KCNMA1: variants seen among roughly 807,000 people sequenced by gnomAD.
KCNMA1 encodes potassium calcium-activated channel subfamily M alpha 1.
KCNMA1 carries 29 observed loss-of-function variants against 140.0 expected under a neutral mutation model. That is an observed-to-expected ratio of 0.21 (90% CI 0.15 to 0.28). The LOEUF is 0.28. Ranked by LOEUF, KCNMA1 falls within the 10% of genes least tolerant of loss-of-function variation. The pLI is 1.00. For missense variants in KCNMA1, 880 were observed against 1,602.2 expected (o/e 0.55, Z 7.70); for synonymous variants, 612 against 611.9 (o/e 1.00, Z 0.00).
chr10:77,245,133 A>G (rs1453618437), intron 3 of KCNMA1, among the ~76,000 whole-genome samples: 2 of 152,184 alleles, frequency 1.3e-5, no homozygotes, highest in African/African-American at 2.4e-5. Context: ...GACTTCTTCA[A>G]CAAAGGTTAA....
intron 1 of KCNMA1, among the ~76,000 whole-genome samples, chr10:77,617,575 G>C (rs75518474): frequency 7.2e-5 from 11 of 152,216 alleles, no homozygotes; most frequent in Non-Finnish European, 1.5e-5. Flanking sequence ...ATAGGAAGAG[G>C]GTAAGAGTTA....
chr10:77,011,095 A>G (rs925790593), intron 18 of KCNMA1, among the ~76,000 whole-genome samples: 5 of 152,158 alleles, frequency 3.3e-5, no homozygotes, highest in Non-Finnish European at 5.9e-5. Flanking sequence ...CAATGATTAT[A>G]AGGAGCTTTT....
chr10:77,348,079 T>C (rs1000664909), intron 2 of KCNMA1, among the ~76,000 whole-genome samples: 2 of 152,154 alleles, frequency 1.3e-5, no homozygotes, highest in African/African-American at 4.8e-5. Context: ...CTGTGCCCCA[T>C]AGAAACAAGC....
intron 1 of KCNMA1, among the ~76,000 whole-genome samples, chr10:77,615,573 C>T (rs970585750): frequency 3.3e-5 from 5 of 152,142 alleles, no homozygotes; most frequent in Non-Finnish European, 5.9e-5. Context: ...AAACTGAGGC[C>T]TCGCCCCTGA....
chr10:77,441,108 C>A (rs1243163291), intron 1 of KCNMA1, among the ~76,000 whole-genome samples: 2 of 152,076 alleles, frequency 1.3e-5, no homozygotes, highest in Non-Finnish European at 2.9e-5. Flanking sequence ...CAGGCGTGAG[C>A]CACCGCGCCC....
At chr10:77,287,784 C>T (rs2154304720) in intron 2 of KCNMA1, among the ~76,000 whole-genome samples, 2 of 152,308 alleles carry the variant, frequency 1.3e-5, no homozygotes, top group East Asian at 3.9e-4. Flanking sequence ...CACATTAACT[C>T]AAAGGGCTGA....
At chr10:76,956,688 A>AT (rs1429651280) in intron 20 of KCNMA1, among the ~76,000 whole-genome samples, 1 of 152,334 alleles carries the variant, frequency 6.6e-6, no homozygotes, top group East Asian at 1.9e-4. Flanking sequence ...GCAGGAAAAA[A>AT]ATATATATAC....
At chr10:77,571,781 C>A (rs142809695) in intron 1 of KCNMA1, among the ~76,000 whole-genome samples, 8 of 152,156 alleles carry the variant, frequency 5.3e-5, no homozygotes, top group Non-Finnish European at 1.2e-4. Context: ...GTAAACACAG[C>A]GAAGTCTTTC....
chr10:76,885,425 G>T lies in KCNMA1; in HGVS notation c.*1841C>A, dbSNP rs1298754435. 2 of 984,990 alleles carry T rather than the reference G, an allele frequency of 2.0e-6. No homozygotes were observed. The highest frequency in any genetic ancestry group is 2.4e-6 in the Non-Finnish European group (2 of 829,818). 61.0% of individuals were successfully genotyped at this position (984,990 alleles called of 1,614,324 possible). ...ACTACGCTGCCCCTGTCTTTGGTGT[G>T]GGGGAGGGTGGAGGTTCTGACTGAG... On this transcript the variant is annotated 3_prime_UTR_variant, in exon 28 of 28. Coordinates refer to ENST00000286628, the MANE Select transcript of KCNMA1 (RefSeq NM_001161352.2).
At chr10:77,502,571 G>A (rs1230535689) in intron 1 of KCNMA1, among the ~76,000 whole-genome samples, 1 of 152,114 alleles carries the variant, frequency 6.6e-6, no homozygotes, top group Non-Finnish European at 1.5e-5. Flanking sequence ...GTCTGATTTG[G>A]AAGGAGAAAG....
intron 1 of KCNMA1, among the ~76,000 whole-genome samples, chr10:77,482,910 CCCTCCTTT>C (rs1432657830): frequency 6.6e-6 from 1 of 151,084 alleles, no homozygotes; most frequent in East Asian, 1.9e-4. Context: ...TGCTCTCCTT[CCCTCCTTT>C]CCTCCTTCCC....
chr10:77,319,659 T>G (rs1018744785), intron 2 of KCNMA1, among the ~76,000 whole-genome samples: 2 of 152,214 alleles, frequency 1.3e-5, no homozygotes, highest in Non-Finnish European at 2.9e-5. Flanking sequence ...TGTGGCTGAG[T>G]GCTGAGTGGT....
chr10:76,976,220 C>G (rs2077470056), intron 19 of KCNMA1, among the ~76,000 whole-genome samples: 1 of 152,102 alleles, frequency 6.6e-6, no homozygotes, highest in Admixed American at 6.6e-5. Flanking sequence ...GCTGCCAGGG[C>G]AGGGAAGGGA....
At chr10:77,401,995 G>C (rs569546963) in intron 2 of KCNMA1, among the ~76,000 whole-genome samples, 1 of 152,186 alleles carries the variant, frequency 6.6e-6, no homozygotes, top group Non-Finnish European at 1.5e-5. Flanking sequence ...CCCAGAATTA[G>C]TGTTCAGTAA....
At position 77,000,857 on chromosome 10, in the gene KCNMA1, AATATATATAT is replaced by A. The variant is rs56359933; in HGVS notation, c.2266+540_2266+549del. Among the ~76,000 whole-genome samples, 94 of 36,656 alleles carry A rather than the reference AATATATATAT, an allele frequency of 2.6e-3. 6 individuals are homozygous for A. The highest frequency in any genetic ancestry group is 5.1e-3 in the East Asian group (5 of 974). 24.0% of individuals were successfully genotyped at this position (36,656 alleles called of 152,430 possible). On this transcript the variant is annotated intron_variant, in intron 19 of 27. Transcript: ENST00000286628. ...GGTTAGAGAGACATAGTAAAAAGAAAATATATATATATATATATATATATATATATATATA... is the reference window on the plus strand; with the variant it reads ...GGTTAGAGAGACATAGTAAAAAGAAAATATATATATATATATATATATATA...
chr10:76,960,074 C>T (rs949273686), intron 20 of KCNMA1, among the ~76,000 whole-genome samples: 1 of 152,196 alleles, frequency 6.6e-6, no homozygotes, highest in African/African-American at 2.4e-5. Context: ...CATCAAAACA[C>T]CCCAAGTTGC....
chr10:76,988,487 C>T (rs2081891891), intron 19 of KCNMA1, among the ~76,000 whole-genome samples: 1 of 152,086 alleles, frequency 6.6e-6, no homozygotes, highest in African/African-American at 2.4e-5. Context: ...ATGATCACAC[C>T]ACTGCACTCC....
At chr10:77,590,281 G>A (rs901104269) in intron 1 of KCNMA1, among the ~76,000 whole-genome samples, 3 of 152,226 alleles carry the variant, frequency 2.0e-5, no homozygotes, top group Admixed American at 6.5e-5. Flanking sequence ...CCGTGCGCCC[G>A]CACTCCTCAG....
chr10:77,374,365 C>A (rs939748529), intron 2 of KCNMA1, among the ~76,000 whole-genome samples: 26 of 152,316 alleles, frequency 1.7e-4, no homozygotes, highest in Non-Finnish European at 2.8e-4. Context: ...ATTTAACAAC[C>A]AGAACACTCC....
Sources: allele counts gnomAD v4.1 joint callset (sites outside exome capture counted in the v4.1 genomes callset), GRCh38; gene constraint gnomAD v4.1.1; transcripts MANE v1.5; gene names NCBI Gene and HGNC (gene_info 2026-07-23, HGNC 2026-07-21).